Variants in CYP2A7 observed in about 807,000 individuals in gnomAD.
CYP2A7 encodes cytochrome P450 family 2 subfamily A member 7, also known as cytochrome P450 2A7.
CYP2A7 carries 36 observed loss-of-function variants against 42.0 expected under a neutral mutation model. The observed-to-expected ratio is 0.86, with a 90% CI of 0.66 to 1.13. CYP2A7 has a LOEUF of 1.13. Among genes scored for constraint, CYP2A7 ranks in the 50% most tolerant of loss-of-function variants. The pLI is 0.00. For missense variants in CYP2A7, 661 were observed against 634.1 expected, an observed-to-expected ratio of 1.04 and a Z score of -0.46; for synonymous variants, 260 against 249.5, an observed-to-expected ratio of 1.04 and a Z score of -0.40.
Position 40,875,630 on chromosome 19 carries a change from C to A in CYP2A7, c.*63G>T, listed in dbSNP as rs1320546911. ...TTCTTATACCCGCCTCTTCCGCGAA[C>A]CCCGCCCTGACCCCGCCTTTCCCTG... On this transcript the variant is annotated 3_prime_UTR_variant, in exon 9 of 9. Coordinates refer to ENST00000301146, the MANE Select transcript of CYP2A7 (RefSeq NM_000764.3). 6.2e-7 allele frequency: 1 copy of A among 1,609,860 alleles called. No homozygotes were observed. Among genetic ancestry groups the A allele is most frequent in the East Asian group, 2.2e-5 (1 of 44,870 alleles).
chr19:40,878,326 C>T (rs1322642918), intron 5 of CYP2A7, among the ~76,000 whole-genome samples: 2 of 151,822 alleles, frequency 1.3e-5, no homozygotes, highest in Admixed American at 1.3e-4. Context: ...CACCCTTAGC[C>T]TCCTGAGTAG....
At chr19:40,879,898 G>A (rs1347005955) in intron 4 of CYP2A7, among the ~76,000 whole-genome samples, 186 bp downstream of exon 4, 4 of 151,096 alleles carry the variant, frequency 2.6e-5, no homozygotes, top group Non-Finnish European at 4.4e-5. Context: ...GGGAGCATCT[G>A]TTGAGCTATC....
At chr19:40,877,142 G>C in intron 7 of CYP2A7, 48 bp downstream of exon 7, 8 of 1,595,844 alleles carry the variant, frequency 5.0e-6, no homozygotes, top group Admixed American at 1.7e-5. Flanking sequence ...TGGGGACACA[G>C]AGAAGGGCTG....
In CYP2A7 at chr19:40,880,162, G is replaced by C; in HGVS notation, c.576C>G (p.Asp192Glu). Residue 192 changes from aspartate to glutamate, a missense_variant, in exon 4 of 9, where the codon GAC (aspartate) becomes GAG (glutamate). Asp to Glu is a conservative substitution (Grantham distance 45). Coordinates refer to ENST00000301146, the MANE Select transcript of CYP2A7 (RefSeq NM_000764.3). ...GTGACAGGAACTCTTTGTCCTCATAGTCAAAGCGGTCCCCAAAGACAATGG... is the reference window on the plus strand; with the variant it reads ...GTGACAGGAACTCTTTGTCCTCATACTCAAAGCGGTCCCCAAAGACAATGG... ...ISSIVFGDRF[D>E]YEDKEFLSLL... The C allele has an allele frequency of 3.7e-6, 6 of 1,613,000 alleles. No homozygotes were observed. In the South Asian group the frequency reaches 5.5e-5, roughly 15 times the overall value.
Position 40,881,627 on chromosome 19 carries a change from C to T in CYP2A7, c.305G>A (p.Gly102Asp). 6.2e-7 allele frequency: 1 copy of T among 1,612,718 alleles called. No individual in the cohort carries two copies. Among genetic ancestry groups the T allele is most frequent in the East Asian group, 2.2e-5 (1 of 44,860 alleles). Residue 102 changes from glycine to aspartate, a missense_variant, in exon 2 of 9, where the codon GGC becomes GAC. This residue lies in a region of CYP2A7 where 614 missense variants were observed against 552.4 expected (regional missense o/e 1.11). Coordinates refer to ENST00000301146, the MANE Select transcript of CYP2A7 (RefSeq NM_000764.3). ...GACCCAGTCGAAGGTGGCTTGCTCG[C>T]CTCGCCCGCTGAACTCCTCAGCCTG... ...VDQAEEFSGR[G>D]EQATFDWVFK...
Position 40,875,857 on chromosome 19 carries a change from C to T in CYP2A7, c.1321G>A (p.Gly441Arg), listed in dbSNP as rs201393166. 2.6e-4 allele frequency: 398 copies of T among 1,557,698 alleles called. 12 individuals carry two copies. The highest frequency in any genetic ancestry group is 1.9e-3 in the Middle Eastern group (11 of 5,760). ...AGCTCCATTCTGGCCAGGCCTTCTC[C>T]GAAACAGTTCCGCTTTCCTGAGGAG... ...PFSIGKRNCF[G>R]EGLARMELFL... The change falls in exon 9 of 9, where the codon GGA (glycine) becomes AGA (arginine). Residue 441 changes from glycine (G) to arginine (R), a missense_variant. Gly to Arg is a moderately radical substitution (Grantham distance 125, BLOSUM62 -2). Transcript: ENST00000301146.
In CYP2A7 at chr19:40,882,149, A is replaced by C. The variant is rs1393765593; in HGVS notation, c.62T>G (p.Met21Arg). ...LLACLTVMVL[M>R]SVWQQRKSRG... ...GCTCTTCCTCTGCTGCCAGACAGAC[A>C]TCAAGACCATCACAGTCAGGCAGGC... The change falls in exon 1 of 9, where the codon ATG becomes AGG. Residue 21 changes from methionine to arginine, a missense_variant. This residue lies in a region of CYP2A7 where 614 missense variants were observed against 552.4 expected (regional missense o/e 1.11). Transcript: ENST00000301146. 1 of 1,613,992 alleles carries C rather than the reference A, an allele frequency of 6.2e-7. No individual in the cohort carries two copies. The highest frequency in any genetic ancestry group is 2.2e-5 in the East Asian group (1 of 44,880).
At position 40,878,705 on chromosome 19, in the gene CYP2A7, T is replaced by A. The variant is rs868643883; in HGVS notation, c.831+55A>T. 65 of 1,597,524 alleles carry A rather than the reference T, an allele frequency of 4.1e-5. 1 individual carries two copies. Among genetic ancestry groups the A allele is most frequent in the African/African-American group, 1.2e-4 (9 of 74,688 alleles). On this transcript the variant is annotated intron_variant, in intron 5 of 8. Transcript: ENST00000301146. ...TGTCGTCTGCCCGCCCCACTCCCAG[T>A]CTGATTTCCCTCTGCCTGGCTTTGC...
chr19:40,880,023 G>T (rs961817335), intron 4 of CYP2A7, 61 bp downstream of exon 4: 51 of 1,596,824 alleles, frequency 3.2e-5, no homozygotes, highest in Non-Finnish European at 4.0e-5. Flanking sequence ...CCTGTCTCCA[G>T]GTAGGGGAGC....
rs749009388 is a variant in CYP2A7 at position 40,878,830 on chromosome 19, T to C, written c.761A>G (p.His254Arg). 10 of 1,612,272 alleles carry C rather than the reference T, an allele frequency of 6.2e-6. No homozygotes were observed. Among genetic ancestry groups the C allele is most frequent in the Non-Finnish European group, 8.5e-6 (10 of 1,178,780 alleles). ...LEDFIAKKVE[H>R]NQRTLDPNSP... Reference sequence around the variant, plus strand: ...ATTGGGATCCAGCGTGCGCTGGTTGTGCTCCACCTTCTTGGCTATGAAGTC... The same window carrying C: ...ATTGGGATCCAGCGTGCGCTGGTTGCGCTCCACCTTCTTGGCTATGAAGTC... Residue 254 changes from histidine (H) to arginine (R), a missense_variant, in exon 5 of 9, where the codon CAC (histidine) becomes CGC (arginine). This residue lies in a region of CYP2A7 where 614 missense variants were observed against 552.4 expected (regional missense o/e 1.11). Transcript: ENST00000301146.
chr19:40,880,028 G>C lies in CYP2A7; in HGVS notation c.654+56C>G. 6.3e-6 allele frequency: 10 copies of C among 1,599,274 alleles called. 1 individual carries two copies. The South Asian group carries it at 8.9e-5, about 14-fold the overall frequency. ...GTTTGGGGCACCTGTCTCCAGGTAG[G>C]GGAGCAGTTGGCAGGTTGTGGTAGG... On this transcript the variant is annotated intron_variant, in intron 4 of 8. Coordinates refer to ENST00000301146, the MANE Select transcript of CYP2A7 (RefSeq NM_000764.3).
chr19:40,881,742 A>G lies in CYP2A7; in HGVS notation c.190T>C (p.Cys64Arg), dbSNP rs10425169. The stretch of plus-strand genomic sequence containing the variant: ...TGAATGGTGAACACGGGGCCATAGC[A>G]CTCACTGAACTGATGGAGGCGAGTG... ...ICDSIMKFSE[C>R]YGPVFTIHLG... is the part of the protein sequence containing the mutation. Residue 64 changes from cysteine to arginine, a missense_variant, in exon 2 of 9, where the codon TGC becomes CGC. Cys to Arg is a radical substitution (Grantham distance 180). Around this residue, in one of 3 missense-constraint regions of CYP2A7, gnomAD observed 614 missense variants for 552.4 expected, o/e 1.11. Coordinates refer to ENST00000301146, the MANE Select transcript of CYP2A7 (RefSeq NM_000764.3). The G allele has an allele frequency of 0.48, 558,291 of 1,163,040 alleles. 193,795 individuals are homozygous for G. Among genetic ancestry groups the G allele is most frequent in the Admixed American group, 0.63 (30,795 of 49,026 alleles). The allele number at this position is 1,163,040 out of a possible 1,614,324, so 72.0% of individuals were successfully genotyped here. A position where few individuals can be genotyped will look rare whatever the true frequency, so the allele number is the denominator to read the frequency against.
rs745829083 is a variant in CYP2A7 at position 40,880,587 on chromosome 19, G to A, written c.385C>T (p.Arg129Cys). The stretch of plus-strand genomic sequence containing the variant: ...TCCCTCAGGGTGGCGATGGCAAAGC[G>A]CAGGAGCTGCTTGGCGCGCTCCCCG... Reference protein sequence around the residue: ...SNGERAKQLLRFAIATLRDFG... With the variant: ...SNGERAKQLLCFAIATLRDFG... Residue 129 changes from arginine to cysteine, a missense_variant, in exon 3 of 9, where the codon CGC becomes TGC. Arg to Cys is a radical substitution (Grantham distance 180). This residue lies in a region of CYP2A7 where 614 missense variants were observed against 552.4 expected (regional missense o/e 1.11). Coordinates refer to ENST00000301146, the MANE Select transcript of CYP2A7 (RefSeq NM_000764.3). The A allele has an allele frequency of 2.5e-6, 4 of 1,596,538 alleles. No individual in the cohort carries two copies. Among genetic ancestry groups the A allele is most frequent in the Middle Eastern group, 1.7e-4 (1 of 6,000 alleles).
At chr19:40,878,328 C>T (rs1188283406) in intron 5 of CYP2A7, among the ~76,000 whole-genome samples, 1 of 151,800 alleles carries the variant, frequency 6.6e-6, no homozygotes, top group Admixed American at 6.6e-5. Flanking sequence ...CCCTTAGCCT[C>T]CTGAGTAGCT....
rs1348603851 is a variant in CYP2A7, at chr19:40,881,827, A to G, written c.181-76T>C. 50 of 1,577,428 alleles carry G rather than the reference A, an allele frequency of 3.2e-5. No homozygotes were observed. In the Admixed American group the frequency reaches 3.2e-4, roughly 10 times the overall value. Reference sequence around the variant, plus strand: ...GGGGCCCAGCACCGAGATGTCAAGTACTGGGATCCTTCACCCCCAGGTTCT... The same window carrying G: ...GGGGCCCAGCACCGAGATGTCAAGTGCTGGGATCCTTCACCCCCAGGTTCT... On this transcript the variant is annotated intron_variant, in intron 1 of 8. Transcript: ENST00000301146.
intron 4 of CYP2A7, 104 bp downstream of exon 4, chr19:40,879,980 A>C (rs2145149814): frequency 6.5e-7 from 1 of 1,546,398 alleles, no homozygotes; most frequent in East Asian, 2.3e-5. Flanking sequence ...TTTTGAGGGG[A>C]CACTGTCTGG....
chr19:40,880,418 C>T, intron 3 of CYP2A7, 61 bp downstream of exon 3: 1 of 1,583,602 alleles, frequency 6.3e-7, no homozygotes. Flanking sequence ...AGAACGCGCG[C>T]GGGTTCCTCG....
rs1236059803 is a variant in CYP2A7 at position 40,880,511 on chromosome 19, C to G, written c.461G>C (p.Gly154Ala). The change falls in exon 3 of 9, where the codon GGC (glycine) becomes GCC (alanine). Residue 154 changes from glycine (G) to alanine (A), a missense_variant. Coordinates refer to ENST00000301146, the MANE Select transcript of CYP2A7 (RefSeq NM_000764.3). The part of the protein sequence containing the change: ...GIEERIQEES[G>A]FLIEAIRSTH... The stretch of plus-strand genomic sequence containing the variant: ...GCTCCGGATGGCCTCGATGAGGAAG[C>G]CCGACTCCTCCTGGATGCGCTCCTC... 6 of 1,612,466 alleles carry G rather than the reference C, an allele frequency of 3.7e-6. No individual in the cohort carries two copies. Among genetic ancestry groups the G allele is most frequent in the Non-Finnish European group, 5.1e-6 (6 of 1,178,986 alleles).
chr19:40,881,253 G>A lies in CYP2A7; in HGVS notation c.343+336C>T, dbSNP rs927223945. Among the ~76,000 whole-genome samples, 12 of 151,588 alleles carry A rather than the reference G, an allele frequency of 7.9e-5. 1 individual carries two copies. The highest frequency in any genetic ancestry group is 2.4e-4 in the African/African-American group (10 of 41,430). On this transcript the variant is annotated intron_variant, in intron 2 of 8. Coordinates refer to ENST00000301146, the MANE Select transcript of CYP2A7 (RefSeq NM_000764.3). ...AGAAACATGGAGAAGCACAGAAGCT[G>A]AGAGCAACAAAAAGACAAATGAAGA... is the stretch of plus-strand genomic sequence containing the variant.
Sources: allele counts gnomAD v4.1 joint callset (sites outside exome capture counted in the v4.1 genomes callset), GRCh38; gene constraint gnomAD v4.1.1; regional missense constraint gnomAD v4.1.1; transcripts MANE v1.5; gene names NCBI Gene and HGNC (gene_info 2026-07-23, HGNC 2026-07-21).